NAA60: variants seen among roughly 807,000 people sequenced by gnomAD.
NAA60 encodes the protein N-alpha-acetyltransferase 60.
NAA60 carries 8 observed loss-of-function variants against 26.1 expected under a neutral mutation model. That is an observed-to-expected ratio of 0.31 (90% CI 0.18 to 0.55). The LOEUF (loss-of-function observed/expected upper bound fraction) is 0.55. NAA60 is among the 20% of genes least tolerant of loss of function. The pLI is 0.93. For missense variants in NAA60, 290 were observed against 311.3 expected (o/e 0.93, Z 0.51); for synonymous variants, 131 against 122.5 (o/e 1.07, Z -0.46).
Position 3,484,511 on chromosome 16 carries a change from T to C in NAA60, c.573-188T>C, listed in dbSNP as rs2037051063. On this transcript the variant is annotated intron_variant, in intron 6 of 7. Transcript: ENST00000407558. ...GTCCCCAGACCCCACCCTCTGTTGT[T>C]TTGCACAGCAGAGGCCACTTCGTCT... The C allele has an allele frequency of 4.2e-6, 3 of 711,018 alleles. No homozygotes were observed. The Admixed American group carries it at 8.6e-5, about 20-fold the overall frequency. 44.0% of individuals were successfully genotyped at this position (711,018 alleles called of 1,614,324 possible). A position where few individuals can be genotyped will look rare whatever the true frequency, so the allele number is the denominator to read the frequency against.
chr16:3,468,459 A>G lies in NAA60; in HGVS notation c.-6-7763A>G, dbSNP rs1008023393. Among the ~76,000 whole-genome samples the G allele has an allele frequency of 1.2e-4, 18 of 152,326 alleles. 1 individual carries two copies. The highest frequency in any genetic ancestry group is 4.3e-4 in the African/African-American group (18 of 41,564). ...TCAGGGGGCTCAGCTTGGCTCTGCCAGTTCAGACACCAGCCCCTTCCAGCT... is the reference window on the plus strand; with the variant it reads ...TCAGGGGGCTCAGCTTGGCTCTGCCGGTTCAGACACCAGCCCCTTCCAGCT... On this transcript the variant is annotated intron_variant, in intron 2 of 7. Coordinates refer to ENST00000407558, the MANE Select transcript of NAA60 (RefSeq NM_001083601.3).
At chr16:3,469,214 C>T (rs1442627205) in intron 2 of NAA60, among the ~76,000 whole-genome samples, 5 of 152,378 alleles carry the variant, frequency 3.3e-5, no homozygotes, top group African/African-American at 1.2e-4. Flanking sequence ...GCAACTGTGA[C>T]TTTAGTGCTC....
At chr16:3,464,841 G>A (rs40447) in intron 2 of NAA60, among the ~76,000 whole-genome samples, 62,570 of 152,006 alleles carry the variant, frequency 0.41, 14,022 homozygotes, top group African/African-American at 0.6. Flanking sequence ...TGAAAGCATC[G>A]CTGGGACAAA....
At chr16:3,452,618 C>T (rs879319280) in intron 2 of NAA60, among the ~76,000 whole-genome samples, 2 of 150,308 alleles carry the variant, frequency 1.3e-5, no homozygotes, top group Admixed American at 6.6e-5. Flanking sequence ...GATTGTGTCA[C>T]ACTCCAGCCG....
At chr16:3,485,239 C>A (rs546460114) in intron 7 of NAA60, 178 bp downstream of exon 7, 85 of 661,716 alleles carry the variant, frequency 1.3e-4, no homozygotes, top group South Asian at 1.3e-3. Context: ...GCTAACACAG[C>A]AGGCTCCATG....
At chr16:3,449,160 G>A (rs2034670136) in intron 2 of NAA60, among the ~76,000 whole-genome samples, 1 of 151,284 alleles carries the variant, frequency 6.6e-6, no homozygotes, top group Admixed American at 6.6e-5. Context: ...ATCTCTGGAG[G>A]TCAGGAGTTC....
rs1425755153 is a variant in NAA60, at chr16:3,482,609, C to T, written c.337+11C>T. On this transcript the variant is annotated intron_variant, in intron 5 of 7. Transcript: ENST00000407558. ...GGAAGCACGGCATAGGTAAGGGCAG[C>T]CGGGCCCGCGGCTTGGCGCCCACCC... is the stretch of plus-strand genomic sequence containing the variant. The T allele has an allele frequency of 6.3e-7, 1 of 1,584,326 alleles. No individual in the cohort carries two copies. The highest frequency in any genetic ancestry group is 8.6e-7 in the Non-Finnish European group (1 of 1,165,262).
At position 3,481,047 on chromosome 16, in the gene NAA60, C is replaced by T. The variant is rs2036797260; in HGVS notation, c.240+1447C>T. 2.0e-5 allele frequency among the ~76,000 whole-genome samples: 3 copies of T among 152,278 alleles called. No individual in the cohort carries two copies. In the East Asian group the frequency reaches 5.8e-4, roughly 29 times the overall value. The stretch of plus-strand genomic sequence containing the variant: ...TCCTGAGTCACTTTTTCTGCCCTAG[C>T]TTCCTCCTGAGCTTTTTTCTTTGAT... On this transcript the variant is annotated intron_variant, in intron 4 of 7. Coordinates refer to ENST00000407558, the MANE Select transcript of NAA60 (RefSeq NM_001083601.3).
chr16:3,450,074 T>G (rs2034717202), intron 2 of NAA60: 1 of 394,094 alleles, frequency 2.5e-6, no homozygotes, highest in Non-Finnish European at 4.4e-6. Context: ...AAGAATTTCT[T>G]TGGAAGCAAA....
At chr16:3,445,117 G>C (rs1260678509) in intron 1 of NAA60, among the ~76,000 whole-genome samples, 6 of 152,146 alleles carry the variant, frequency 3.9e-5, no homozygotes, top group Admixed American at 1.3e-4. Flanking sequence ...TGGAAGAATG[G>C]TAAGAACAAA....
At chr16:3,462,843 A>T (rs37772) in intron 2 of NAA60, among the ~76,000 whole-genome samples, 1 of 152,052 alleles carries the variant, frequency 6.6e-6, no homozygotes, top group South Asian at 2.1e-4. Flanking sequence ...TGCTTTGACA[A>T]ATTTAAAACA....
chr16:3,465,135 C>A (rs771162757), intron 2 of NAA60, among the ~76,000 whole-genome samples: 1 of 151,908 alleles, frequency 6.6e-6, no homozygotes, highest in African/African-American at 2.4e-5. Context: ...AATGTGGTGG[C>A]GGGCGCCTGT....
intron 4 of NAA60, among the ~76,000 whole-genome samples, chr16:3,480,006 A>G (rs2151013732): frequency 6.6e-6 from 1 of 152,248 alleles, no homozygotes; most frequent in East Asian, 1.9e-4. Context: ...GAAAGTACAG[A>G]GATAATTTTT....
chr16:3,458,436 G>T (rs1306935596), intron 2 of NAA60, among the ~76,000 whole-genome samples: 1 of 152,166 alleles, frequency 6.6e-6, no homozygotes, highest in Non-Finnish European at 1.5e-5. Flanking sequence ...TGCTGGGTGG[G>T]AGTCGGGCCT....
chr16:3,450,532 C>G (rs1371230838), intron 2 of NAA60, among the ~76,000 whole-genome samples: 3 of 151,912 alleles, frequency 2.0e-5, no homozygotes, highest in African/African-American at 7.3e-5. Flanking sequence ...AACCCCATCT[C>G]TACTAAAAAT....
In NAA60 at chr16:3,482,519, A is replaced by T; in HGVS notation, c.258A>T (p.Ala86=). The T allele has an allele frequency of 1.2e-6, 2 of 1,604,626 alleles. No homozygotes were observed. Among genetic ancestry groups the T allele is most frequent in the Non-Finnish European group, 1.7e-6 (2 of 1,175,646 alleles). The change falls in exon 5 of 8, where the codon GCA becomes GCT. Residue 86 remains alanine (A), a synonymous_variant. Transcript: ENST00000407558. ...TCCTCTAGGATGGAGATATTCTAGC[A>T]TCCAACTTCTCTGTTGACACACAAG... ...KIHKEDGDIL[A]SNFSVDTQVA...
intron 2 of NAA60, 117 bp from the exon 3 acceptor site, chr16:3,476,105 T>A: frequency 1.4e-6 from 1 of 712,790 alleles, no homozygotes; most frequent in East Asian, 2.8e-5. Flanking sequence ...GAGTGCTGGC[T>A]GAGGGGTGTC....
At chr16:3,462,214 G>A (rs547653581) in intron 2 of NAA60, among the ~76,000 whole-genome samples, 1 of 151,670 alleles carries the variant, frequency 6.6e-6, no homozygotes, top group African/African-American at 2.4e-5. Context: ...GGCCAGCAAA[G>A]TATTGACACT....
chr16:3,473,954 G>T (rs1441459679), intron 2 of NAA60, among the ~76,000 whole-genome samples: 1 of 152,066 alleles, frequency 6.6e-6, no homozygotes, highest in Non-Finnish European at 1.5e-5. Flanking sequence ...GGCTGGTCTT[G>T]AACTACTGAC....
Sources: allele counts gnomAD v4.1 joint callset (sites outside exome capture counted in the v4.1 genomes callset), GRCh38; gene constraint gnomAD v4.1.1; transcripts MANE v1.5; gene names NCBI Gene and HGNC (gene_info 2026-07-23, HGNC 2026-07-21).